MICU1: variants seen among roughly 807,000 people sequenced by gnomAD.
The protein encoded by MICU1 is mitochondrial calcium uptake 1.
A neutral mutation model predicts 56.8 loss-of-function variants in MICU1; 45 were observed. That is an observed-to-expected ratio of 0.79 (90% CI 0.62 to 1.02). The LOEUF (loss-of-function observed/expected upper bound fraction) is 1.02, where lower values mean the gene tolerates loss of function less well. MICU1 is among the 50% of genes least tolerant of loss of function. The pLI, the probability that MICU1 is intolerant of heterozygous loss-of-function variation, is 0.00. For synonymous variants in MICU1, 186 were observed against 195.1 expected, an observed-to-expected ratio of 0.95 and a Z score of 0.39; for missense variants, 504 against 587.1, an observed-to-expected ratio of 0.86 and a Z score of 1.46.
intron 6 of MICU1, among the ~76,000 whole-genome samples, chr10:72,482,270 T>C (rs1323246943): frequency 6.6e-6 from 1 of 152,218 alleles, no homozygotes. Context: ...ACATTATTTT[T>C]TGGTAGCACT....
intron 3 of MICU1, among the ~76,000 whole-genome samples, chr10:72,560,799 G>A (rs1198984125): frequency 6.6e-6 from 1 of 152,082 alleles, no homozygotes. Context: ...GAATCCAGGA[G>A]GCAGAGGTTG....
intron 4 of MICU1, among the ~76,000 whole-genome samples, chr10:72,544,539 C>T (rs1232990549): frequency 2.0e-5 from 3 of 152,118 alleles, no homozygotes; most frequent in Non-Finnish European, 4.4e-5. Context: ...TTGCAATAGG[C>T]TATGCTTTGC....
At chr10:72,374,891 C>A (rs2049849917) in intron 11 of MICU1, among the ~76,000 whole-genome samples, 1 of 147,786 alleles carries the variant, frequency 6.8e-6, no homozygotes, top group Non-Finnish European at 1.5e-5. Context: ...ATCTCTGCTC[C>A]CTGCTGCCTC....
rs188098923 is a variant in MICU1 at position 72,543,671 on chromosome 10, C to T, written c.493+7508G>A. 1.6e-4 allele frequency among the ~76,000 whole-genome samples: 24 copies of T among 152,190 alleles called. No individual in the cohort carries two copies. The East Asian group carries it at 4.3e-3, about 27-fold the overall frequency. ...GAGATCGAGACCATCCTGGCTAACA[C>T]GGTGAAACCCCATCTCTACCAAAAA... On this transcript the variant is annotated intron_variant, in intron 4 of 11. Transcript: ENST00000361114.
intron 6 of MICU1, among the ~76,000 whole-genome samples, chr10:72,496,684 C>T (rs550741481): frequency 6.6e-6 from 1 of 152,310 alleles, no homozygotes; most frequent in East Asian, 1.9e-4. Flanking sequence ...GATCCACCCA[C>T]CTTGGCCTCC....
intron 6 of MICU1, among the ~76,000 whole-genome samples, chr10:72,503,794 C>T (rs1176308078): frequency 6.6e-6 from 1 of 151,720 alleles, no homozygotes; most frequent in African/African-American, 2.4e-5. Flanking sequence ...GTACAAAAAT[C>T]AGTAGCATTT....
intron 3 of MICU1, among the ~76,000 whole-genome samples, chr10:72,553,234 CTTTT>C (rs35593530): frequency 9.3e-5 from 12 of 129,036 alleles, no homozygotes; most frequent in Admixed American, 7.6e-5. Context: ...TACCTTTCTT[CTTTT>C]TTTTTTTTTT....
chr10:72,573,317 A>AC lies in MICU1; in HGVS notation c.-1-6524_-1-6523insG, dbSNP rs1340730147. On this transcript the variant is annotated intron_variant, in intron 1 of 11. Transcript: ENST00000361114. ...AGACCCCCATCACTACAAAAAAAAAAAAAAAAAAAAAAAAAAAACTAAGGC... is the reference window on the plus strand; with the variant it reads ...AGACCCCCATCACTACAAAAAAAAAACAAAAAAAAAAAAAAAAAACTAAGGC... Among the ~76,000 whole-genome samples, 7 of 148,926 alleles carry AC rather than the reference A, an allele frequency of 4.7e-5. 1 individual carries two copies. Among genetic ancestry groups the AC allele is most frequent in the Non-Finnish European group, 7.4e-5 (5 of 67,260 alleles).
chr10:72,569,223 A>ATT (rs1564939690), intron 1 of MICU1, among the ~76,000 whole-genome samples: 12 of 39,222 alleles, frequency 3.1e-4, no homozygotes, highest in African/African-American at 1.5e-3. Context: ...ATATATATAT[A>ATT]TATATATATA....
At chr10:72,523,224 C>T (rs1047930569) in intron 5 of MICU1, among the ~76,000 whole-genome samples, 4 of 152,198 alleles carry the variant, frequency 2.6e-5, no homozygotes, top group Admixed American at 6.6e-5. Context: ...CTACCCTCTA[C>T]AAACTGTCCT....
chr10:72,399,353 C>T (rs949631159), intron 10 of MICU1, among the ~76,000 whole-genome samples: 1 of 151,996 alleles, frequency 6.6e-6, no homozygotes, highest in South Asian at 2.1e-4. Flanking sequence ...AGGAGATATA[C>T]CTAATGTAAA....
rs1867324791 is a variant in MICU1 at position 72,508,253 on chromosome 10, C to G, written c.554G>C (p.Arg185Pro). ...RFDGKKISQE[R>P]EKFADEGSIF... is the part of the protein sequence containing the mutation. ...ACTGCCTTCATCAGCAAATTTTTCT[C>G]GTTCCTGGGAAATTTTCTATAGAAT... The change falls in exon 6 of 12, where the codon CGA (arginine) becomes CCA (proline). Residue 185 changes from arginine (R) to proline (P), a missense_variant. By Grantham distance (103) the Arg-to-Pro change is moderately radical. Transcript: ENST00000361114. 2.0e-6 allele frequency: 3 copies of G among 1,508,058 alleles called. No individual in the cohort carries two copies. The highest frequency in any genetic ancestry group is 1.8e-6 in the Non-Finnish European group (2 of 1,110,618). 93.4% of individuals were successfully genotyped at this position (1,508,058 alleles called of 1,614,324 possible). A position where few individuals can be genotyped will look rare whatever the true frequency, so the allele number is the denominator to read the frequency against.
chr10:72,566,741 C>G lies in MICU1; in HGVS notation c.53G>C (p.Arg18Pro). Reference sequence around the variant, plus strand: ...GGGCTGTGATCCTCCATGGTACCATCGAGAACCCACAGCCAGTTCTGCCAA... The same window carrying G: ...GGGCTGTGATCCTCCATGGTACCATGGAGAACCCACAGCCAGTTCTGCCAA... ...SALAELAVGS[R>P]WYHGGSQPIQ... The change falls in exon 2 of 12, where the codon CGA (arginine) becomes CCA (proline). Residue 18 changes from arginine (R) to proline (P), a missense_variant. Arg to Pro is a moderately radical substitution (Grantham distance 103). Transcript: ENST00000361114. The G allele has an allele frequency of 6.2e-7, 1 of 1,612,606 alleles. No individual in the cohort carries two copies. The highest frequency in any genetic ancestry group is 8.5e-7 in the Non-Finnish European group (1 of 1,179,308).
chr10:72,448,243 A>AGGCTCACT (rs1477917274), intron 8 of MICU1, among the ~76,000 whole-genome samples: 4 of 114,248 alleles, frequency 3.5e-5, no homozygotes, highest in Non-Finnish European at 6.7e-5. Context: ...TCTCTTGCCG[A>AGGCTCACT]GGCTCACTGC....
chr10:72,588,336 T>TG, intron 1 of MICU1, among the ~76,000 whole-genome samples: 1 of 151,910 alleles, frequency 6.6e-6, no homozygotes, highest in Non-Finnish European at 1.5e-5. Context: ...GTTTTTTTTT[T>TG]TATAGCAGTG....
chr10:72,617,987 A>G (rs1197068240), intron 1 of MICU1, among the ~76,000 whole-genome samples: 1 of 152,072 alleles, frequency 6.6e-6, no homozygotes, highest in Non-Finnish European at 1.5e-5. Flanking sequence ...CCAACATGGT[A>G]AAACCCCATC....
chr10:72,509,027 C>T (rs1867354631), intron 5 of MICU1, among the ~76,000 whole-genome samples: 2 of 152,138 alleles, frequency 1.3e-5, no homozygotes, highest in Non-Finnish European at 2.9e-5. Context: ...TGGTAATTGT[C>T]TGCCTGGCAA....
intron 6 of MICU1, among the ~76,000 whole-genome samples, chr10:72,482,699 T>C (rs888612259): frequency 5.3e-5 from 8 of 152,022 alleles, no homozygotes; most frequent in Non-Finnish European, 4.4e-5. Flanking sequence ...GATGGCCCTC[T>C]GAATACATAT....
At chr10:72,447,586 T>C (rs2132201079) in intron 8 of MICU1, among the ~76,000 whole-genome samples, 1 of 152,268 alleles carries the variant, frequency 6.6e-6, no homozygotes, top group East Asian at 1.9e-4. Context: ...GGCAATGCTG[T>C]TAAAAATAGT....
Sources: gnomAD v4.1 joint callset for allele counts (sites outside exome capture counted in the v4.1 genomes callset) on GRCh38, gnomAD v4.1.1 for gene constraint, MANE v1.5 for transcripts, NCBI Gene and HGNC (gene_info 2026-07-23, HGNC 2026-07-21) for gene names.